Variants in DROSHA observed in about 807,000 individuals in gnomAD.
The protein encoded by DROSHA is drosha ribonuclease III.
DROSHA carries 56 observed loss-of-function variants against 181.9 expected under a neutral mutation model. The observed-to-expected ratio is 0.31, with a 90% CI of 0.25 to 0.38. The LOEUF (loss-of-function observed/expected upper bound fraction) is 0.38. Among genes scored for constraint, DROSHA ranks in the 10% least tolerant of loss-of-function variants. The probability of loss-of-function intolerance (pLI) is 1.00; values close to 1 mark genes in which losing one functional copy is unlikely to be tolerated. For missense variants in DROSHA, 1,218 were observed against 1,743.5 expected, an observed-to-expected ratio of 0.70 and a Z score of 5.37; for synonymous variants, 524 against 591.2, an observed-to-expected ratio of 0.89 and a Z score of 1.65.
At chr5:31,485,036 G>T in intron 14 of DROSHA, 74 bp from the exon 15 acceptor site, 1 of 1,055,826 alleles carries the variant, frequency 9.5e-7, no homozygotes, top group Non-Finnish European at 1.4e-6. Context: ...ACTTGTTCTT[G>T]TCAAGTGTCT....
chr5:31,422,863 C>T lies in DROSHA; in HGVS notation c.3343G>A (p.Gly1115Arg). The T allele has an allele frequency of 6.2e-7, 1 of 1,613,494 alleles. No individual in the cohort carries two copies. The highest frequency in any genetic ancestry group is 8.5e-7 in the Non-Finnish European group (1 of 1,179,706). ...AGTCGAACATGAGTAAAAATTACTC[C>T]AATTGCTTCTTCAAACTCAGTAAGT... is the stretch of plus-strand genomic sequence containing the variant. Reference protein sequence around the residue: ...QKLTEFEEAIGVIFTHVRLLA... With the variant: ...QKLTEFEEAIRVIFTHVRLLA... Residue 1115 changes from glycine to arginine, a missense_variant, in exon 29 of 36, where the codon GGA becomes AGA. Around this residue, in one of 8 missense-constraint regions of DROSHA, gnomAD observed 71 missense variants for 95.2 expected, o/e 0.75. Coordinates refer to ENST00000344624, the MANE Select transcript of DROSHA (RefSeq NM_001382508.1).
intron 6 of DROSHA, 29 bp from the exon 7 acceptor site, chr5:31,515,593 TTGGAAA>T: frequency 6.4e-7 from 1 of 1,550,970 alleles, no homozygotes; most frequent in Admixed American, 2.0e-5. Flanking sequence ...TGCAAAATGT[TTGGAAA>T]TGTCCACATA....
At chr5:31,420,868 A>T (rs1430135053) in intron 30 of DROSHA, among the ~76,000 whole-genome samples, 1 of 152,236 alleles carries the variant, frequency 6.6e-6, no homozygotes, top group African/African-American at 2.4e-5. Flanking sequence ...TCTACCTTGC[A>T]TTTAGTTATA....
chr5:31,504,129 C>T (rs1423343513), intron 11 of DROSHA, among the ~76,000 whole-genome samples: 1 of 152,120 alleles, frequency 6.6e-6, no homozygotes, highest in Non-Finnish European at 1.5e-5. Context: ...GGCAGAGACG[C>T]AGGTAAAATA....
Position 31,411,482 on chromosome 5 carries a change from G to A in DROSHA, c.3526-595C>T, listed in dbSNP as rs920840050. 2.0e-5 allele frequency among the ~76,000 whole-genome samples: 3 copies of A among 151,816 alleles called. No individual in the cohort carries two copies. The highest frequency in any genetic ancestry group is 4.2e-4 in the South Asian group (2 of 4,812). On this transcript the variant is annotated intron_variant, in intron 30 of 35. Coordinates refer to ENST00000344624, the MANE Select transcript of DROSHA (RefSeq NM_001382508.1). This position sits in a 1 kb window ranked among gnomAD's most constrained non-coding sequence, Gnocchi z 4.2. ...GTCTAAAATAAGCTTCAAGTTTCACGGCACTGATGCTAATTTTGATATTAT... is the reference window on the plus strand; with the variant it reads ...GTCTAAAATAAGCTTCAAGTTTCACAGCACTGATGCTAATTTTGATATTAT...
intron 9 of DROSHA, 54 bp from the exon 10 acceptor site, chr5:31,508,829 T>G (rs2150052825): frequency 6.5e-7 from 1 of 1,548,232 alleles, no homozygotes; most frequent in East Asian, 2.3e-5. Context: ...CAAACTGGTT[T>G]TTTTTTTTCC....
chr5:31,450,373 T>C (rs1442225706), intron 21 of DROSHA, among the ~76,000 whole-genome samples: 1 of 152,226 alleles, frequency 6.6e-6, no homozygotes, highest in Non-Finnish European at 1.5e-5. Context: ...AAAAGACACC[T>C]GCACTTCTAT....
intron 25 of DROSHA, among the ~76,000 whole-genome samples, chr5:31,433,570 A>C (rs1394793091): frequency 6.6e-6 from 1 of 151,722 alleles, no homozygotes; most frequent in East Asian, 1.9e-4. Flanking sequence ...TTTGAGAAGG[A>C]GTCTTGCTCT....
intron 20 of DROSHA, among the ~76,000 whole-genome samples, chr5:31,460,384 T>C (rs1260686618): frequency 1.3e-5 from 2 of 152,164 alleles, no homozygotes; most frequent in Non-Finnish European, 2.9e-5. Flanking sequence ...AGGTAGAATT[T>C]TCTAATCTCC....
At position 31,526,422 on chromosome 5, in the gene DROSHA, C is replaced by G. The variant is rs781498149; in HGVS notation, c.511G>C (p.Gly171Arg). The G allele has an allele frequency of 1.9e-6, 3 of 1,612,650 alleles. No homozygotes were observed. The highest frequency in any genetic ancestry group is 1.1e-5 in the South Asian group (1 of 90,994). The change falls in exon 5 of 36, where the codon GGC becomes CGC. Residue 171 changes from glycine (G) to arginine (R), a missense_variant. Coordinates refer to ENST00000344624, the MANE Select transcript of DROSHA (RefSeq NM_001382508.1). ...GGTGGGAAGTTGTGGTGAGAATAGC[C>G]CGGAGGGTACTGATAATTAACCTGC... ...PQQVNYQYPP[G>R]YSHHNFPPPS...
At position 31,447,124 on chromosome 5, in the gene DROSHA, G is replaced by C. The variant is rs528308032; in HGVS notation, c.2882+1423C>G. ...AGATCATGTCCTTTGCAGGGACATG[G>C]ATAGAGCTGGAGGCCATTATCCTTA... On this transcript the variant is annotated intron_variant, in intron 23 of 35. Transcript: ENST00000344624. Among the ~76,000 whole-genome samples, 16 of 152,296 alleles carry C rather than the reference G, an allele frequency of 1.1e-4. No homozygotes were observed. In the South Asian group the frequency reaches 3.3e-3, roughly 32 times the overall value.
rs922369101 is a variant in DROSHA, at chr5:31,461,275, G to A, written c.2574+2961C>T. On this transcript the variant is annotated intron_variant, in intron 20 of 35. Coordinates refer to ENST00000344624, the MANE Select transcript of DROSHA (RefSeq NM_001382508.1). ...TCAAACAAAATATATGGCAAACATC[G>A]ATAATTTAAGGGCAACTGTTCAGAA... Among the ~76,000 whole-genome samples the A allele has an allele frequency of 2.6e-5, 4 of 152,204 alleles. No homozygotes were observed. The East Asian group carries it at 7.7e-4, about 29-fold the overall frequency.
chr5:31,477,370 A>C (rs1750506119), intron 16 of DROSHA, among the ~76,000 whole-genome samples: 1 of 152,240 alleles, frequency 6.6e-6, no homozygotes, highest in South Asian at 2.1e-4. Context: ...ACTGACAGTA[A>C]CTGTATGACT....
At chr5:31,462,934 T>C (rs926714177) in intron 20 of DROSHA, among the ~76,000 whole-genome samples, 7 of 152,296 alleles carry the variant, frequency 4.6e-5, no homozygotes, top group African/African-American at 1.7e-4. Context: ...AACAGTTTTA[T>C]GATCTCTTAG....
At chr5:31,471,193 A>G (rs1197661959) in intron 17 of DROSHA, among the ~76,000 whole-genome samples, 1 of 152,236 alleles carries the variant, frequency 6.6e-6, no homozygotes, top group Non-Finnish European at 1.5e-5. Context: ...GTCATGCTAC[A>G]AAAAGTAGAT....
Position 31,409,575 on chromosome 5 carries a change from G to A in DROSHA, c.3668-243C>T. 1 of 474,802 alleles carries A rather than the reference G, an allele frequency of 2.1e-6. No homozygotes were observed. Among genetic ancestry groups the A allele is most frequent in the South Asian group, 2.4e-5 (1 of 42,378 alleles). 29.4% of individuals were successfully genotyped at this position (474,802 alleles called of 1,614,324 possible). ...AACTGCATTTAGCTAAGGGCTAAAG[G>A]AATAGCTTAAAAGGTACACAGAATG... On this transcript the variant is annotated intron_variant, in intron 31 of 35. Transcript: ENST00000344624. This position sits in a 1 kb window ranked among gnomAD's most constrained non-coding sequence, Gnocchi z 4.0.
chr5:31,449,473 G>C (rs1225832933), intron 21 of DROSHA, 54 bp from the exon 22 acceptor site: 1 of 1,527,626 alleles, frequency 6.5e-7, no homozygotes, highest in African/African-American at 1.4e-5. Flanking sequence ...ACTGGGTGCA[G>C]TGGCTCACGC....
chr5:31,485,434 G>A (rs1751609097), intron 14 of DROSHA, among the ~76,000 whole-genome samples: 1 of 149,050 alleles, frequency 6.7e-6, no homozygotes, highest in Non-Finnish European at 1.5e-5. Flanking sequence ...AAAGGGCTAA[G>A]AAAATTATAC....
chr5:31,424,688 A>T (rs150912835), intron 27 of DROSHA, among the ~76,000 whole-genome samples: 2 of 152,012 alleles, frequency 1.3e-5, no homozygotes, highest in Non-Finnish European at 2.9e-5. Context: ...GCTACGGGGG[A>T]AAAGAGCCTC....
Sources: allele counts gnomAD v4.1 joint callset (sites outside exome capture counted in the v4.1 genomes callset), GRCh38; gene constraint gnomAD v4.1.1; regional missense constraint gnomAD v4.1.1; non-coding constraint Gnocchi (gnomAD v3.1); transcripts MANE v1.5; gene names NCBI Gene and HGNC (gene_info 2026-07-23, HGNC 2026-07-21).